Variants in AMOT observed in about 807,000 individuals in gnomAD.
The protein encoded by AMOT is angiomotin.
AMOT carries 11 observed loss-of-function variants against 67.0 expected under a neutral mutation model. The observed-to-expected ratio is 0.16, with a 90% CI of 0.10 to 0.27. The LOEUF is 0.27. Ranked by LOEUF, AMOT falls within the 10% of genes least tolerant of loss-of-function variation. AMOT has a pLI of 1.00. For synonymous variants in AMOT, 326 were observed against 321.4 expected, an observed-to-expected ratio of 1.01 and a Z score of -0.15; for missense variants, 753 against 852.0, an observed-to-expected ratio of 0.88 and a Z score of 1.45.
chrX:112,801,827 T>G (rs762323267), intron 8 of AMOT, among the ~76,000 whole-genome samples: 7 of 112,772 alleles, frequency 6.2e-5, no homozygotes, highest in African/African-American at 2.3e-4. Context: ...TAAGTGACCT[T>G]GTAGTTAGAA....
chrX:112,836,843 G>T (rs747235858), intron 1 of AMOT, among the ~76,000 whole-genome samples: 15 of 105,399 alleles, frequency 1.4e-4, no homozygotes, highest in African/African-American at 4.5e-4. Flanking sequence ...AACCATAAAC[G>T]TATAAGAACT....
rs149733274 is a variant in AMOT at position 112,790,995 on chromosome X, C to T, written c.1927-213G>A. Among the ~76,000 whole-genome samples the T allele has an allele frequency of 1.8e-3, 200 of 111,393 alleles. 2 individuals are homozygous for T. Among genetic ancestry groups the T allele is most frequent in the African/African-American group, 6.2e-3 (190 of 30,619 alleles). ...TCCCTTGGCCAGGAAAGGGGCCTGT[C>T]ATATCAAACTGTCATGCTACTCAGA... On this transcript the variant is annotated intron_variant, in intron 9 of 13. Transcript: ENST00000371959.
intron 1 of AMOT, among the ~76,000 whole-genome samples, chrX:112,832,756 C>T (rs1265878490): frequency 1.8e-5 from 2 of 112,099 alleles, no homozygotes; most frequent in African/African-American, 6.5e-5. Context: ...TAATTGAGAG[C>T]TCCCTGTTTC....
At chrX:112,809,436 C>T (rs768047826) in intron 7 of AMOT, among the ~76,000 whole-genome samples, 2 of 111,199 alleles carry the variant, frequency 1.8e-5, no homozygotes, top group Non-Finnish European at 3.8e-5. Context: ...GATTAGCTCC[C>T]CTTGCAATCT....
chrX:112,779,039 G>A lies in AMOT; in HGVS notation c.3115C>T (p.Arg1039Cys), dbSNP rs778746629. 47 of 1,209,545 alleles carry A rather than the reference G, an allele frequency of 3.9e-5. No individual in the cohort carries two copies. Among genetic ancestry groups the A allele is most frequent in the South Asian group, 3.7e-4 (21 of 56,789 alleles). The change falls in exon 13 of 14, where the codon CGT becomes TGT. Residue 1039 changes from arginine (R) to cysteine (C), a missense_variant. By Grantham distance (180) the Arg-to-Cys change is radical (BLOSUM62 -3). Coordinates refer to ENST00000371959, the MANE Select transcript of AMOT (RefSeq NM_001113490.2). ...ASPATGPGPH[R>C]LSIPSLTCNP... Reference sequence around the variant, plus strand: ...CAGGTCAAACTTGGTATAGACAAACGATGTGGTCCAGGACCGGTAGCTGGA... The same window carrying A: ...CAGGTCAAACTTGGTATAGACAAACAATGTGGTCCAGGACCGGTAGCTGGA...
intron 10 of AMOT, 21 bp downstream of exon 10, chrX:112,790,570 GC>G: frequency 8.6e-7 from 1 of 1,165,238 alleles, no homozygotes. Context: ...TCCCACTCAT[GC>G]CCTACCAGCT....
At chrX:112,830,539 A>G (rs973569812) in intron 2 of AMOT, among the ~76,000 whole-genome samples, 1 of 112,693 alleles carries the variant, frequency 8.9e-6, no homozygotes, top group Admixed American at 9.4e-5. Flanking sequence ...CCACTAAAAA[A>G]TAAAATTAGC....
In AMOT at chrX:112,779,656, C is replaced by T. The variant is rs773540622; in HGVS notation, c.2498G>A (p.Arg833His). The change falls in exon 13 of 14, where the codon CGT becomes CAT. Residue 833 changes from arginine to histidine, a missense_variant. By Grantham distance (29) the Arg-to-His change is conservative (BLOSUM62 0). Around this residue, in one of 5 missense-constraint regions of AMOT, gnomAD observed 269 missense variants for 300.9 expected, o/e 0.89. Transcript: ENST00000371959. The stretch of plus-strand genomic sequence containing the variant: ...GGGTGTGGAAGGGACATATTCAGCA[C>T]GGTAGTCTCCACCCAGGAGAATGCC... ...SLGILLGGDY[R>H]AEYVPSTPSP... 11 of 1,202,375 alleles carry T rather than the reference C, an allele frequency of 9.1e-6. No homozygotes were observed. The East Asian group carries it at 1.5e-4, about 16-fold the overall frequency.
At chrX:112,834,434 TA>T (rs1389182784) in intron 1 of AMOT, among the ~76,000 whole-genome samples, 1 of 111,635 alleles carries the variant, frequency 9.0e-6, no homozygotes, top group Non-Finnish European at 1.9e-5. Flanking sequence ...CTAAGGTTGA[TA>T]GGGGGGCGGC....
chrX:112,824,562 C>T (rs1934795341), intron 3 of AMOT, among the ~76,000 whole-genome samples: 1 of 111,310 alleles, frequency 9.0e-6, no homozygotes, highest in Non-Finnish European at 1.9e-5. Flanking sequence ...TTCTCTCTTT[C>T]TTCACGTCTT....
intron 8 of AMOT, among the ~76,000 whole-genome samples, chrX:112,796,401 C>A (rs1933819547): frequency 8.9e-6 from 1 of 111,910 alleles, no homozygotes; most frequent in African/African-American, 3.2e-5. Flanking sequence ...TTGTGAGGAC[C>A]ACAGATTAGT....
At chrX:112,783,519 C>T (rs887307184) in intron 10 of AMOT, among the ~76,000 whole-genome samples, 1 of 110,350 alleles carries the variant, frequency 9.1e-6, no homozygotes, top group African/African-American at 3.3e-5. Flanking sequence ...TGAGTCAGTC[C>T]CACTCGATTC....
chrX:112,815,723 C>G lies in AMOT; in HGVS notation c.1027G>C (p.Gly343Arg). 8.6e-7 allele frequency: 1 copy of G among 1,167,679 alleles called. No homozygotes were observed. The highest frequency in any genetic ancestry group is 1.1e-6 in the Non-Finnish European group (1 of 873,201). The change falls in exon 5 of 14, where the codon GGA becomes CGA. Residue 343 changes from glycine (G) to arginine (R), a missense_variant. Coordinates refer to ENST00000371959, the MANE Select transcript of AMOT (RefSeq NM_001113490.2). Reference protein sequence around the residue: ...PARHPLVPNQGDHSAHLPRPQ... With the variant: ...PARHPLVPNQRDHSAHLPRPQ... ...CTAGGCAGGTGAGCTGAATGGTCTC[C>G]CTGGTTTGGGACCAAGGGGTGTCGG...
chrX:112,822,690 C>T lies in AMOT; in HGVS notation c.437G>A (p.Arg146His), dbSNP rs778677886. ...AGGATTGAGCCGCTGAACTGATGGG[C>T]GTCCCTCAGTCCTCATCTTCTGGTT... is the stretch of plus-strand genomic sequence containing the variant. The part of the protein sequence containing the change: ...VTNQKMRTEG[R>H]PSVQRLNPGK... The change falls in exon 4 of 14, where the codon CGC (arginine) becomes CAC (histidine). Residue 146 changes from arginine (R) to histidine (H), a missense_variant. Coordinates refer to ENST00000371959, the MANE Select transcript of AMOT (RefSeq NM_001113490.2). 9 of 1,164,099 alleles carry T rather than the reference C, an allele frequency of 7.7e-6. No homozygotes were observed. Among genetic ancestry groups the T allele is most frequent in the Non-Finnish European group, 1.0e-5 (9 of 872,609 alleles).
Position 112,822,544 on chromosome X carries a change from T to C in AMOT, c.583A>G (p.Thr195Ala). ...TSGVKAHPPV[T>A]SAPLSPPQPN... ...TGTGGTGGGGAGAGGGGAGCACTGG[T>C]AACAGGTGGATGGGCCTTAACTCCA... Residue 195 changes from threonine (T) to alanine (A), a missense_variant, in exon 4 of 14, where the codon ACC (threonine) becomes GCC (alanine). By Grantham distance (58) the Thr-to-Ala change is moderately conservative. Coordinates refer to ENST00000371959, the MANE Select transcript of AMOT (RefSeq NM_001113490.2). 8.6e-7 allele frequency: 1 copy of C among 1,167,792 alleles called. No homozygotes were observed. Among genetic ancestry groups the C allele is most frequent in the Non-Finnish European group, 1.1e-6 (1 of 873,037 alleles).
rs772424067 is a variant in AMOT, at chrX:112,797,653, C to T, written c.1777-5672G>A. On this transcript the variant is annotated intron_variant, in intron 8 of 13. Transcript: ENST00000371959. ...AAAATTAGCTGGGTGTGGTGGTGCA[C>T]GCCTATAATCCCAGCTACCTGGGTG... Among the ~76,000 whole-genome samples, 9 of 111,144 alleles carry T rather than the reference C, an allele frequency of 8.1e-5. No individual in the cohort carries two copies. In the South Asian group the frequency reaches 1.5e-3, roughly 19 times the overall value.
rs756441607 is a variant in AMOT at position 112,776,390 on chromosome X, T to C, written c.*2177A>G. 3 of 112,501 alleles carry C rather than the reference T, an allele frequency of 2.7e-5. No individual in the cohort carries two copies. The South Asian group carries it at 1.1e-3, about 42-fold the overall frequency. The allele number at this position is 112,501 out of a possible 1,213,427, so 9.3% of individuals were successfully genotyped here. A position where few individuals can be genotyped will look rare whatever the true frequency, so the allele number is the denominator to read the frequency against. ...TGCTTCTACTATTTGAGTGTTTTTT[T>C]CTCCTTATGACTAAAGGGTAGTATG... On this transcript the variant is annotated 3_prime_UTR_variant, in exon 14 of 14. Transcript: ENST00000371959.
intron 1 of AMOT, among the ~76,000 whole-genome samples, chrX:112,834,058 T>C (rs1249430178): frequency 8.9e-6 from 1 of 112,183 alleles, no homozygotes; most frequent in Non-Finnish European, 1.9e-5. Flanking sequence ...TGGCCCATAT[T>C]TTTATTCCCT....
In AMOT at chrX:112,790,602, C is replaced by A. The variant is rs754438267; in HGVS notation, c.2107G>T (p.Ala703Ser). Residue 703 changes from alanine (A) to serine (S), a missense_variant, in exon 10 of 14, where the codon GCT (alanine) becomes TCT (serine). By Grantham distance (99) the Ala-to-Ser change is moderately conservative. This residue lies in a region of AMOT where 269 missense variants were observed against 300.9 expected (regional missense o/e 0.89). Coordinates refer to ENST00000371959, the MANE Select transcript of AMOT (RefSeq NM_001113490.2). ...HFALDAAATV[A>S]AQRDTTVISH... is the part of the protein sequence containing the mutation. ...CAGCTACCTACTTACCTCTGAGCAG[C>A]CACAGTTGCAGCAGCATCCAGAGCA... 1 of 1,202,687 alleles carries A rather than the reference C, an allele frequency of 8.3e-7. No individual in the cohort carries two copies. Among genetic ancestry groups the A allele is most frequent in the African/African-American group, 1.8e-5 (1 of 57,044 alleles).
Sources: allele counts gnomAD v4.1 joint callset (sites outside exome capture counted in the v4.1 genomes callset), GRCh38; gene constraint gnomAD v4.1.1; regional missense constraint gnomAD v4.1.1; transcripts MANE v1.5; gene names NCBI Gene and HGNC (gene_info 2026-07-23, HGNC 2026-07-21).